The following ZNF843 variants were observed in gnomAD, a reference collection of about 807,000 sequenced individuals.
The protein encoded by ZNF843 is zinc finger protein 843.
For synonymous variants in ZNF843, 185 were observed against 207.7 expected (o/e 0.89, Z 0.94); for missense variants, 482 against 469.4 (o/e 1.03, Z -0.25).
At position 31,436,060 on chromosome 16, in the gene ZNF843, C is replaced by T. The variant is rs1460860160; in HGVS notation, c.790G>A (p.Glu264Lys). Residue 264 changes from glutamate (E) to lysine (K), a missense_variant, in exon 2 of 2, where the codon GAG becomes AAG. Glu to Lys is a moderately conservative substitution (Grantham distance 56). Transcript: ENST00000315678. Reference protein sequence around the residue: ...PPATQPAAQQEGAMGPRSCAS... With the variant: ...PPATQPAAQQKGAMGPRSCAS... Reference sequence around the variant, plus strand: ...CAGCTTCTGGGCCCCATCGCCCCCTCCTGCTGAGCTGCCGGCTGGGTGGCT... The same window carrying T: ...CAGCTTCTGGGCCCCATCGCCCCCTTCTGCTGAGCTGCCGGCTGGGTGGCT... The T allele has an allele frequency of 6.5e-7, 1 of 1,547,084 alleles. No individual in the cohort carries two copies. The highest frequency in any genetic ancestry group is 8.7e-7 in the Non-Finnish European group (1 of 1,145,026).
Position 31,435,865 on chromosome 16 carries a change from C to A in ZNF843, c.985G>T (p.Ala329Ser). ...PPPSNPHWRGALPVFPVWKAS... is the reference protein window; with the variant it reads ...PPPSNPHWRGSLPVFPVWKAS... The stretch of plus-strand genomic sequence containing the variant: ...TTCCACACCGGAAACACTGGTAGGG[C>A]TCCTCTCCAGTGTGGGTTCGAGGGC... The change falls in exon 2 of 2, where the codon GCC becomes TCC. Residue 329 changes from alanine to serine, a missense_variant. Physicochemically the swap from Ala to Ser is moderately conservative, Grantham distance 99. Coordinates refer to ENST00000315678, the MANE Select transcript of ZNF843 (RefSeq NM_001136509.3). 1 of 1,516,394 alleles carries A rather than the reference C, an allele frequency of 6.6e-7. No homozygotes were observed. The allele number at this position is 1,516,394 out of a possible 1,614,324, so 93.9% of individuals were successfully genotyped here.
chr16:31,437,195 A>G lies in ZNF843; in HGVS notation c.-335-11T>C. 1 of 229,034 alleles carries G rather than the reference A, an allele frequency of 4.4e-6. No individual in the cohort carries two copies. Among genetic ancestry groups the G allele is most frequent in the Non-Finnish European group, 9.1e-6 (1 of 109,758 alleles). 14.2% of individuals were successfully genotyped at this position (229,034 alleles called of 1,614,324 possible). A position where few individuals can be genotyped will look rare whatever the true frequency, so the allele number is the denominator to read the frequency against. On this transcript the variant is annotated splice_polypyrimidine_tract_variant and intron_variant, in intron 1 of 1. Coordinates refer to ENST00000315678, the MANE Select transcript of ZNF843 (RefSeq NM_001136509.3). ...GAGCCATCATTCTCTCTAGAGGGAG[A>G]GAAAACCACAGAAAAATTTTACTAC...
intron 1 of ZNF843, among the ~76,000 whole-genome samples, chr16:31,440,617 A>G (rs988574584): frequency 6.6e-6 from 1 of 152,162 alleles, no homozygotes; most frequent in Non-Finnish European, 1.5e-5. Context: ...GAATGCACAG[A>G]GCTTATTTTT....
chr16:31,437,997 G>T (rs529876224), intron 1 of ZNF843, among the ~76,000 whole-genome samples: 1 of 152,168 alleles, frequency 6.6e-6, no homozygotes, highest in African/African-American at 2.4e-5. Context: ...AGTAGTCTTG[G>T]ATATTACCAT....
intron 1 of ZNF843, among the ~76,000 whole-genome samples, chr16:31,441,587 C>G (rs141984294): frequency 1.1e-4 from 16 of 152,180 alleles, no homozygotes; most frequent in African/African-American, 3.4e-4. Flanking sequence ...TGGGCTCAAG[C>G]GGTCCTCCCT....
At chr16:31,440,298 A>G (rs1881819007) in intron 1 of ZNF843, among the ~76,000 whole-genome samples, 1 of 152,222 alleles carries the variant, frequency 6.6e-6, no homozygotes, top group Non-Finnish European at 1.5e-5. Flanking sequence ...CATCTCCTCT[A>G]CAAAAAATAT....
rs944726061 is a variant in ZNF843, at chr16:31,436,898, T to G, written c.-49A>C. 2 of 1,447,172 alleles carry G rather than the reference T, an allele frequency of 1.4e-6. 1 individual carries two copies. Among genetic ancestry groups the G allele is most frequent in the East Asian group, 5.0e-5 (2 of 39,940 alleles). The allele number at this position is 1,447,172 out of a possible 1,614,324, so 89.6% of individuals were successfully genotyped here. On this transcript the variant is annotated 5_prime_UTR_variant, in exon 2 of 2. Transcript: ENST00000315678. ...CTCAGGGAGTAACTGTACGGGAGGC[T>G]TTGCCGCACTTGGCGCAGCTGTGGG...
chr16:31,441,683 C>T (rs561986435), intron 1 of ZNF843, among the ~76,000 whole-genome samples: 1 of 151,392 alleles, frequency 6.6e-6, no homozygotes, highest in East Asian at 1.9e-4. Context: ...TAGACAGGAT[C>T]TCATTGTTGC....
Position 31,442,701 on chromosome 16 carries a change from C to T in ZNF843, c.-401G>A, listed in dbSNP as rs1427454942. 1 of 152,254 alleles carries T rather than the reference C, an allele frequency of 6.6e-6. No individual in the cohort carries two copies. Among genetic ancestry groups the T allele is most frequent in the Non-Finnish European group, 1.5e-5 (1 of 68,080 alleles). The allele number at this position is 152,254 out of a possible 1,614,324, so 9.4% of individuals were successfully genotyped here. On this transcript the variant is annotated 5_prime_UTR_variant, in exon 1 of 2. Coordinates refer to ENST00000315678, the MANE Select transcript of ZNF843 (RefSeq NM_001136509.3). ...TGGGCGTGCGGCCGAGCCGGGAGCG[C>T]CCCTGCCCCGCGAGCCGCCCCCGAG...
intron 1 of ZNF843, among the ~76,000 whole-genome samples, chr16:31,442,157 G>GC (rs2082203326): frequency 6.6e-6 from 1 of 152,200 alleles, no homozygotes; most frequent in Non-Finnish European, 1.5e-5. Flanking sequence ...GTGTTGGCCC[G>GC]CCCCTTCCCT....
chr16:31,435,635 TC>T lies in ZNF843; in HGVS notation c.*167del, dbSNP rs2082175721. The T allele has an allele frequency of 3.2e-6, 2 of 630,308 alleles. No homozygotes were observed. The highest frequency in any genetic ancestry group is 3.8e-5 in the African/African-American group (2 of 52,266). 39.0% of individuals were successfully genotyped at this position (630,308 alleles called of 1,614,324 possible). ...ATGTATAAGGGAAAGGAGCGAGAATTCAGGGGAAAAAAAACAAACAAAATAG... is the reference window on the plus strand; with the variant it reads ...ATGTATAAGGGAAAGGAGCGAGAATTAGGGGAAAAAAAACAAACAAAATAG... On this transcript the variant is annotated 3_prime_UTR_variant, in exon 2 of 2. Coordinates refer to ENST00000315678, the MANE Select transcript of ZNF843 (RefSeq NM_001136509.3).
chr16:31,441,660 T>A (rs9925594), intron 1 of ZNF843, among the ~76,000 whole-genome samples: 5,243 of 151,682 alleles, frequency 0.035, 292 homozygotes, highest in African/African-American at 0.12. Context: ...TTTTTTTTTT[T>A]AAATAATTAG....
In ZNF843 at chr16:31,435,503, A is replaced by G. The variant is rs1312398677; in HGVS notation, c.*300T>C. 3.9e-6 allele frequency: 1 copy of G among 254,274 alleles called. No individual in the cohort carries two copies. Among genetic ancestry groups the G allele is most frequent in the African/African-American group, 2.2e-5 (1 of 44,952 alleles). 15.8% of individuals were successfully genotyped at this position (254,274 alleles called of 1,614,324 possible). On this transcript the variant is annotated 3_prime_UTR_variant, in exon 2 of 2. Coordinates refer to ENST00000315678, the MANE Select transcript of ZNF843 (RefSeq NM_001136509.3). ...GCGGTCTCGCTAGGCTGCCCAGGCTAGTCTCAAATTCTTCGGGCTCACGCG... is the reference window on the plus strand; with the variant it reads ...GCGGTCTCGCTAGGCTGCCCAGGCTGGTCTCAAATTCTTCGGGCTCACGCG...
rs2082185300 is a variant in ZNF843 at position 31,437,021 on chromosome 16, G to A, written c.-172C>T. 1.6e-6 allele frequency: 1 copy of A among 622,658 alleles called. No individual in the cohort carries two copies. The highest frequency in any genetic ancestry group is 2.8e-6 in the Non-Finnish European group (1 of 350,882). 38.6% of individuals were successfully genotyped at this position (622,658 alleles called of 1,614,324 possible). A position where few individuals can be genotyped will look rare whatever the true frequency, so the allele number is the denominator to read the frequency against. ...GGGGCTGTCTGGAGAGTTCTCTAAT[G>A]TAAGACGCTGGGCAATGTCATCTGA... On this transcript the variant is annotated 5_prime_UTR_variant, in exon 2 of 2. Transcript: ENST00000315678.
rs2046617824 is a variant in ZNF843 at position 31,437,125 on chromosome 16, C to T, written c.-276G>A. 2 of 406,418 alleles carry T rather than the reference C, an allele frequency of 4.9e-6. No homozygotes were observed. The highest frequency in any genetic ancestry group is 1.0e-4 in the South Asian group (2 of 19,320). The allele number at this position is 406,418 out of a possible 1,614,324, so 25.2% of individuals were successfully genotyped here. On this transcript the variant is annotated 5_prime_UTR_variant, in exon 2 of 2. Coordinates refer to ENST00000315678, the MANE Select transcript of ZNF843 (RefSeq NM_001136509.3). Reference sequence around the variant, plus strand: ...CCATCCTCTTGGATACGCTGGTCCTCACTGCCGTGTCCAGTTCCTGCGGAA... The same window carrying T: ...CCATCCTCTTGGATACGCTGGTCCTTACTGCCGTGTCCAGTTCCTGCGGAA...
At chr16:31,442,446 G>A (rs959407330) in intron 1 of ZNF843, among the ~76,000 whole-genome samples, 190 bp downstream of exon 1, 1 of 152,118 alleles carries the variant, frequency 6.6e-6, no homozygotes, top group Non-Finnish European at 1.5e-5. Flanking sequence ...TCAGCCTCCC[G>A]AGTAGCTGGG....
At position 31,436,947 on chromosome 16, in the gene ZNF843, C is replaced by G. The variant is rs750961382; in HGVS notation, c.-98G>C. 6 of 1,202,362 alleles carry G rather than the reference C, an allele frequency of 5.0e-6. No individual in the cohort carries two copies. Among genetic ancestry groups the G allele is most frequent in the African/African-American group, 4.6e-5 (3 of 64,568 alleles). 74.5% of individuals were successfully genotyped at this position (1,202,362 alleles called of 1,614,324 possible). On this transcript the variant is annotated 5_prime_UTR_variant, in exon 2 of 2. Coordinates refer to ENST00000315678, the MANE Select transcript of ZNF843 (RefSeq NM_001136509.3). The stretch of plus-strand genomic sequence containing the variant: ...GGGCCTCTGCCGCACTCAGGCTTCC[C>G]GTGGCCACGAGCTCACAGTCTGGGA...
intron 1 of ZNF843, among the ~76,000 whole-genome samples, chr16:31,442,229 G>A (rs886874635): frequency 2.0e-5 from 3 of 152,270 alleles, no homozygotes; most frequent in Non-Finnish European, 2.9e-5. Flanking sequence ...CGCCTGGCGC[G>A]GGGTCGAGGG....
In ZNF843 at chr16:31,436,911, G is replaced by C. The variant is rs1428406750; in HGVS notation, c.-62C>G. ...TGTACGGGAGGCTTTGCCGCACTTG[G>C]CGCAGCTGTGGGGCCTCTGCCGCAC... On this transcript the variant is annotated 5_prime_UTR_variant, in exon 2 of 2. Transcript: ENST00000315678. 1 of 1,421,592 alleles carries C rather than the reference G, an allele frequency of 7.0e-7. No homozygotes were observed. The highest frequency in any genetic ancestry group is 2.5e-5 in the East Asian group (1 of 39,868). 88.1% of individuals were successfully genotyped at this position (1,421,592 alleles called of 1,614,324 possible).
Sources: allele counts gnomAD v4.1 joint callset (sites outside exome capture counted in the v4.1 genomes callset), GRCh38; gene constraint gnomAD v4.1.1; transcripts MANE v1.5; gene names NCBI Gene and HGNC (gene_info 2026-07-23, HGNC 2026-07-21).